EPHX2: variants seen among roughly 807,000 people sequenced by gnomAD.
EPHX2 encodes the protein epoxide hydrolase 2.
A neutral mutation model predicts 78.7 loss-of-function variants in EPHX2; 74 were observed. The ratio of observed to expected loss-of-function variants is 0.94; its 90% CI spans 0.78 to 1.14. EPHX2 has a LOEUF of 1.14. Ranked by LOEUF, EPHX2 falls within the 50% of genes most tolerant of loss-of-function variation. The pLI is 0.00. For synonymous variants in EPHX2, 251 were observed against 255.2 expected (o/e 0.98, Z 0.16); for missense variants, 715 against 702.5 (o/e 1.02, Z -0.20).
intron 6 of EPHX2, among the ~76,000 whole-genome samples, chr8:27,514,953 A>G (rs1814394334): frequency 6.6e-6 from 1 of 152,170 alleles, no homozygotes; most frequent in South Asian, 2.1e-4. Flanking sequence ...CAGATTTCAT[A>G]TTTAAGAAGT....
In EPHX2 at chr8:27,509,432, C is replaced by A. The variant is rs573836162; in HGVS notation, c.661-2404C>A. Among the ~76,000 whole-genome samples the A allele has an allele frequency of 1.2e-4, 18 of 152,142 alleles. No homozygotes were observed. The South Asian group carries it at 1.5e-3, about 12-fold the overall frequency. ...TGGATCATATGGAAATTCTGTTTTT[C>A]TTTTCTTTTATTTATTATTATTTCT... On this transcript the variant is annotated intron_variant, in intron 5 of 18. Transcript: ENST00000521400.
downstream of EPHX2, among the ~76,000 whole-genome samples, chr8:27,545,752 G>A (rs181086619): frequency 1.5e-3 from 229 of 152,272 alleles, no homozygotes; most frequent in African/African-American, 5.4e-3. Context: ...CGCTGCTTGC[G>A]AGAGAAAGTG....
intron 1 of EPHX2, among the ~76,000 whole-genome samples, chr8:27,491,680 T>C (rs1813385413): frequency 6.6e-6 from 1 of 152,130 alleles, no homozygotes; most frequent in Non-Finnish European, 1.5e-5. Flanking sequence ...CATGCTTACT[T>C]GTGTAATAGC....
intron 5 of EPHX2, among the ~76,000 whole-genome samples, chr8:27,507,236 C>T (rs188317044): frequency 2.6e-5 from 4 of 152,130 alleles, no homozygotes; most frequent in Non-Finnish European, 2.9e-5. Flanking sequence ...GTGCCAGGGC[C>T]GGGGAACTGG....
chr8:27,497,419 C>T (rs1813611129), intron 1 of EPHX2, among the ~76,000 whole-genome samples: 1 of 152,190 alleles, frequency 6.6e-6, no homozygotes, highest in Non-Finnish European at 1.5e-5. Flanking sequence ...GATTGGCCTG[C>T]TCTGTTTTCT....
intron 1 of EPHX2, among the ~76,000 whole-genome samples, chr8:27,499,653 T>C (rs544442267): frequency 5.6e-4 from 85 of 152,346 alleles, no homozygotes; most frequent in African/African-American, 2.0e-3. Context: ...AATGCATTCG[T>C]ACACATAAAT....
At chr8:27,533,595 AT>A (rs1223803798) in intron 12 of EPHX2, among the ~76,000 whole-genome samples, 1 of 151,580 alleles carries the variant, frequency 6.6e-6, no homozygotes, top group African/African-American at 2.4e-5. Context: ...TTTCTCTCTG[AT>A]TTTTTTTAAG....
intron 12 of EPHX2, among the ~76,000 whole-genome samples, chr8:27,528,666 C>T (rs2060621304): frequency 6.6e-6 from 1 of 152,164 alleles, no homozygotes; most frequent in Non-Finnish European, 1.5e-5. Flanking sequence ...CCGCTCCCTC[C>T]CTGGCCAGGA....
At chr8:27,500,890 C>T in intron 1 of EPHX2, 36 bp from the exon 2 acceptor site, 2 of 1,580,502 alleles carry the variant, frequency 1.3e-6, no homozygotes, top group Non-Finnish European at 1.7e-6. Context: ...ATGACAAAAT[C>T]CACAGAATGT....
intron 5 of EPHX2, among the ~76,000 whole-genome samples, chr8:27,509,322 G>A (rs1814145377): frequency 1.3e-5 from 2 of 152,180 alleles, no homozygotes; most frequent in African/African-American, 4.8e-5. Flanking sequence ...ATTGGGAATA[G>A]TGCTGCTATG....
At chr8:27,540,756 C>A in intron 15 of EPHX2, 100 bp downstream of exon 15, 1 of 1,132,370 alleles carries the variant, frequency 8.8e-7, no homozygotes, top group Non-Finnish European at 1.3e-6. Flanking sequence ...TCCTCCACCA[C>A]AGCCCTCGTT....
At position 27,505,108 on chromosome 8, in the gene EPHX2, A is replaced by G; in HGVS notation, c.499A>G (p.Lys167Glu). The change falls in exon 4 of 19, where the codon AAG (lysine) becomes GAG (glutamate). Residue 167 changes from lysine to glutamate, a missense_variant. Physicochemically the swap from Lys to Glu is moderately conservative, Grantham distance 56. Coordinates refer to ENST00000521400, the MANE Select transcript of EPHX2 (RefSeq NM_001979.6). ...GMVKPEPQIY[K>E]FLLDTLKASP... ...GGTCAAACCTGAACCTCAGATCTAC[A>G]AGTTTCTGCTGGACACCCTGAAGGC... 1.2e-6 allele frequency: 2 copies of G among 1,614,080 alleles called. No individual in the cohort carries two copies. Among genetic ancestry groups the G allele is most frequent in the Non-Finnish European group, 1.7e-6 (2 of 1,180,002 alleles).
At chr8:27,523,105 A>T (rs1047328772) in intron 11 of EPHX2, among the ~76,000 whole-genome samples, 9 of 151,882 alleles carry the variant, frequency 5.9e-5, no homozygotes, top group African/African-American at 2.2e-4. Flanking sequence ...CTTGAGCTTG[A>T]GGGGTGCAGG....
intron 5 of EPHX2, among the ~76,000 whole-genome samples, chr8:27,510,090 A>T (rs1304915175): frequency 1.3e-5 from 2 of 152,158 alleles, no homozygotes; most frequent in African/African-American, 2.4e-5. Flanking sequence ...TCCAGATGCC[A>T]TGGAGATGGG....
chr8:27,539,798 TTCA>T (rs372796542), intron 14 of EPHX2, among the ~76,000 whole-genome samples: 32 of 152,292 alleles, frequency 2.1e-4, no homozygotes, highest in African/African-American at 7.5e-4. Context: ...TCAGGGTGGC[TTCA>T]TCACAGGGTG....
intron 5 of EPHX2, among the ~76,000 whole-genome samples, chr8:27,509,668 C>T (rs889122513): frequency 6.6e-6 from 1 of 152,058 alleles, no homozygotes; most frequent in East Asian, 1.9e-4. Context: ...CGTGAGCCAC[C>T]GTGCCTGGCC....
At chr8:27,506,093 A>T (rs1481942382) in intron 4 of EPHX2, among the ~76,000 whole-genome samples, 1 of 152,114 alleles carries the variant, frequency 6.6e-6, no homozygotes, top group African/African-American at 2.4e-5. Flanking sequence ...AGCTCAAGTG[A>T]TCGTCCTGCC....
At chr8:27,495,098 G>A (rs1813526145) in intron 1 of EPHX2, among the ~76,000 whole-genome samples, 1 of 152,208 alleles carries the variant, frequency 6.6e-6, no homozygotes, top group African/African-American at 2.4e-5. Context: ...ACCTCTTTGG[G>A]TTTTTGCACT....
Position 27,522,503 on chromosome 8 carries a change from A to C in EPHX2, c.1053A>C (p.Arg351Ser). The C allele has an allele frequency of 6.2e-7, 1 of 1,613,578 alleles. No homozygotes were observed. Among genetic ancestry groups the C allele is most frequent in the Non-Finnish European group, 8.5e-7 (1 of 1,179,840 alleles). The change falls in exon 11 of 19, where the codon AGA becomes AGC. Residue 351 changes from arginine to serine, a missense_variant. By Grantham distance (110) the Arg-to-Ser change is moderately radical. Coordinates refer to ENST00000521400, the MANE Select transcript of EPHX2 (RefSeq NM_001979.6). ...VWYMALFYPE[R>S]VRAVASLNTP... ...ACATGGCTCTCTTCTACCCCGAGAG[A>C]GTGAGGTAATTGGGCCTCGGGCAAT...
Sources: gnomAD v4.1 joint callset for allele counts (sites outside exome capture counted in the v4.1 genomes callset) on GRCh38, gnomAD v4.1.1 for gene constraint, MANE v1.5 for transcripts, NCBI Gene and HGNC (gene_info 2026-07-23, HGNC 2026-07-21) for gene names.